SCHIP1: variants seen among roughly 807,000 people sequenced by gnomAD.
SCHIP1 encodes the protein schwannomin interacting protein 1, also known as schwannomin-interacting protein 1.
Under a neutral mutation model 29.7 loss-of-function variants are expected in SCHIP1, and 8 were observed. The ratio of observed to expected loss-of-function variants is 0.27; its 90% CI spans 0.16 to 0.49. SCHIP1 has a LOEUF of 0.49. SCHIP1 is among the 20% of genes least tolerant of loss of function. SCHIP1 has a pLI of 0.99. For missense variants in SCHIP1, 193 were observed against 294.6 expected (o/e 0.66, Z 2.52); for synonymous variants, 76 against 94.9 (o/e 0.80, Z 1.16).
At chr3:159,694,375 C>A in the SCHIP1 span, among the ~76,000 whole-genome samples, 6 of 152,040 alleles carry the variant, frequency 3.9e-5, no homozygotes, top group South Asian at 4.2e-4. Flanking sequence ...CAAAAATTAG[C>A]TGGGCATGGT....
the SCHIP1 span, among the ~76,000 whole-genome samples, chr3:159,544,474 TCTATCAGCATA>T: frequency 8.4e-4 from 128 of 152,158 alleles, 3 homozygotes; most frequent in South Asian, 0.024. Flanking sequence ...AACTCACAGT[TCTATCAGCATA>T]CTATCAGCAT....
At chr3:159,411,206 G>A in the SCHIP1 span, among the ~76,000 whole-genome samples, 7 of 152,096 alleles carry the variant, frequency 4.6e-5, no homozygotes, top group African/African-American at 1.7e-4. Context: ...ATAAGATCTA[G>A]CATTTGATAG....
chr3:159,408,125 C>T, the SCHIP1 span, among the ~76,000 whole-genome samples: 2 of 151,878 alleles, frequency 1.3e-5, no homozygotes, highest in Non-Finnish European at 2.9e-5. Flanking sequence ...GGTGAAACCA[C>T]GTCTCTACTA....
the SCHIP1 span, among the ~76,000 whole-genome samples, chr3:159,368,621 A>T: frequency 6.6e-6 from 1 of 152,190 alleles, no homozygotes; most frequent in African/African-American, 2.4e-5. Context: ...CAACCCTCTA[A>T]GGTAGCCTTT....
At chr3:159,793,475 T>C in the SCHIP1 span, among the ~76,000 whole-genome samples, 1 of 152,158 alleles carries the variant, frequency 6.6e-6, no homozygotes, top group African/African-American at 2.4e-5. Flanking sequence ...ACAATACATA[T>C]TTATTATTTT....
At chr3:159,835,805 T>C (rs1252570220), upstream of SCHIP1, among the ~76,000 whole-genome samples, 3 of 152,194 alleles carry the variant, frequency 2.0e-5, no homozygotes, top group Admixed American at 6.5e-5. Context: ...CTTTCAAAAC[T>C]GTATGCTCGA....
chr3:159,707,171 T>C, the SCHIP1 span, among the ~76,000 whole-genome samples: 2 of 152,166 alleles, frequency 1.3e-5, no homozygotes, highest in African/African-American at 4.8e-5. Context: ...GCTCTTTAAG[T>C]ATATGACTCT....
At chr3:159,359,585 CTT>C in the SCHIP1 span, among the ~76,000 whole-genome samples, 2 of 151,972 alleles carry the variant, frequency 1.3e-5, no homozygotes, top group South Asian at 4.2e-4. Flanking sequence ...AATTTTATAA[CTT>C]TAAAATTTCC....
chr3:159,483,410 T>C, the SCHIP1 span, among the ~76,000 whole-genome samples: 1 of 152,308 alleles, frequency 6.6e-6, no homozygotes, highest in East Asian at 1.9e-4. Context: ...CATGTGACAT[T>C]TGAACCCTGC....
chr3:159,848,012 T>C, intron 1 of SCHIP1, among the ~76,000 whole-genome samples: 1 of 108,904 alleles, frequency 9.2e-6, no homozygotes, highest in Non-Finnish European at 2.0e-5. Context: ...AGTTTCCATG[T>C]ATGATAGGAA....
intron 1 of SCHIP1, among the ~76,000 whole-genome samples, chr3:159,862,415 C>CTA (rs1431468055): frequency 2.0e-5 from 3 of 152,194 alleles, no homozygotes; most frequent in Non-Finnish European, 4.4e-5. Flanking sequence ...GGAGTATGAA[C>CTA]TATAATGCTA....
chr3:159,723,031 T>C, the SCHIP1 span, among the ~76,000 whole-genome samples: 1 of 152,230 alleles, frequency 6.6e-6, no homozygotes, highest in African/African-American at 2.4e-5. Flanking sequence ...AGAGCCCATG[T>C]GTGCTCAGTG....
At chr3:159,654,711 T>G in the SCHIP1 span, among the ~76,000 whole-genome samples, 1 of 148,432 alleles carries the variant, frequency 6.7e-6, no homozygotes, top group African/African-American at 2.5e-5. Flanking sequence ...GGAATTGGGG[T>G]CAGCATGGAT....
the SCHIP1 span, among the ~76,000 whole-genome samples, chr3:159,527,087 C>A: frequency 6.6e-6 from 1 of 152,208 alleles, no homozygotes; most frequent in Non-Finnish European, 1.5e-5. Context: ...TCACAACCAG[C>A]CCTTTGGTTC....
chr3:159,764,976 T>C, the SCHIP1 span: 1 of 1,500,958 alleles, frequency 6.7e-7, no homozygotes, highest in Middle Eastern at 2.1e-4. This position sits in a 1 kb window ranked among gnomAD's most constrained non-coding sequence, Gnocchi z 6.1. Flanking sequence ...GCCCGGCGGC[T>C]GGGGGGCTCT....
the SCHIP1 span, among the ~76,000 whole-genome samples, chr3:159,690,248 T>C: frequency 1.3e-5 from 2 of 152,218 alleles, no homozygotes; most frequent in Non-Finnish European, 2.9e-5. Context: ...GTTGGTACGC[T>C]ATTAATTACT....
chr3:159,688,912 G>A, the SCHIP1 span, among the ~76,000 whole-genome samples: 145 of 152,254 alleles, frequency 9.5e-4, no homozygotes, highest in African/African-American at 3.2e-3. Flanking sequence ...AGTTGTAGAT[G>A]TGTGGTGTTA....
the SCHIP1 span, among the ~76,000 whole-genome samples, chr3:159,497,993 A>AT: frequency 6.6e-6 from 1 of 151,960 alleles, no homozygotes; most frequent in Admixed American, 6.6e-5. Context: ...ACTTATTTGA[A>AT]TTTTTTTTCT....
the SCHIP1 span, among the ~76,000 whole-genome samples, chr3:159,360,640 G>A: frequency 6.6e-6 from 1 of 152,170 alleles, no homozygotes; most frequent in Non-Finnish European, 1.5e-5. Context: ...CAGATTCAGT[G>A]GGAGACAGGA....
Sources: allele counts gnomAD v4.1 joint callset (sites outside exome capture counted in the v4.1 genomes callset), GRCh38; gene constraint gnomAD v4.1.1; non-coding constraint Gnocchi (gnomAD v3.1); transcripts MANE v1.5; gene names NCBI Gene and HGNC (gene_info 2026-07-23, HGNC 2026-07-21).